The following DHX8 variants were observed in gnomAD, a reference collection of about 807,000 sequenced individuals.
DHX8 encodes the protein DEAH-box helicase 8.
Under a neutral mutation model 140.7 loss-of-function variants are expected in DHX8, and 67 were observed. The ratio of observed to expected loss-of-function variants is 0.48; its 90% CI spans 0.39 to 0.58. The LOEUF is 0.58. Ranked by LOEUF, DHX8 falls within the 20% of genes least tolerant of loss-of-function variation. DHX8 has a pLI of 0.00. For synonymous variants in DHX8, 533 were observed against 553.2 expected, an observed-to-expected ratio of 0.96 and a Z score of 0.51; for missense variants, 887 against 1,550.7, an observed-to-expected ratio of 0.57 and a Z score of 7.19.
downstream of DHX8, chr17:43,525,833 C>G (rs908036791): frequency 1.0e-6 from 1 of 985,192 alleles, no homozygotes; most frequent in African/African-American, 1.7e-5. Flanking sequence ...AGTGGCCCAG[C>G]CTGTCCTGAC....
At chr17:43,505,218 G>T (rs1969421550) in intron 12 of DHX8, among the ~76,000 whole-genome samples, 1 of 152,140 alleles carries the variant, frequency 6.6e-6, no homozygotes, top group South Asian at 2.1e-4. Context: ...GACCATCCTG[G>T]CCAACACGGT....
Position 43,506,985 on chromosome 17 carries a change from A to G in DHX8, c.1729-18A>G. 1 of 1,555,048 alleles carries G rather than the reference A, an allele frequency of 6.4e-7. No homozygotes were observed. The highest frequency in any genetic ancestry group is 1.2e-5 in the South Asian group (1 of 83,494). ...CTGGCAGATTTTAATGACCATATTT[A>G]TATTCTGTTGCTTTCAGGCCGTCCA... On this transcript the variant is annotated intron_variant, in intron 12 of 22. Coordinates refer to ENST00000262415, the MANE Select transcript of DHX8 (RefSeq NM_004941.3).
chr17:43,498,138 G>GTT (rs1491462173), intron 9 of DHX8, among the ~76,000 whole-genome samples: 9 of 148,116 alleles, frequency 6.1e-5, no homozygotes, highest in South Asian at 2.1e-4. Flanking sequence ...ACCTGGGAAG[G>GTT]TGTTTTTTTT....
intron 16 of DHX8, among the ~76,000 whole-genome samples, chr17:43,509,230 AGGTAGTCCT>A (rs1459309799): frequency 6.6e-6 from 1 of 152,128 alleles, no homozygotes; most frequent in Non-Finnish European, 1.5e-5. Context: ...TAAGGATCTA[AGGTAGTCCT>A]GGAGAACTCT....
rs1970557502 is a variant in DHX8 at position 43,524,936 on chromosome 17, C to T, written c.*1089C>T. 1 of 985,282 alleles carries T rather than the reference C, an allele frequency of 1.0e-6. No individual in the cohort carries two copies. The highest frequency in any genetic ancestry group is 4.7e-5 in the South Asian group (1 of 21,282). The allele number at this position is 985,282 out of a possible 1,614,324, so 61.0% of individuals were successfully genotyped here. On this transcript the variant is annotated 3_prime_UTR_variant, in exon 23 of 23. Coordinates refer to ENST00000262415, the MANE Select transcript of DHX8 (RefSeq NM_004941.3). ...GAGAATAGCCACCTCCTTGTGCCCTCCTCACAGCTCCTGAGGAGGGTTTTT... is the reference window on the plus strand; with the variant it reads ...GAGAATAGCCACCTCCTTGTGCCCTTCTCACAGCTCCTGAGGAGGGTTTTT...
intron 1 of DHX8, among the ~76,000 whole-genome samples, chr17:43,484,912 G>A (rs1968042723): frequency 1.3e-5 from 2 of 152,198 alleles, no homozygotes; most frequent in Admixed American, 6.5e-5. Flanking sequence ...CAAAGTGTTG[G>A]GATTACAGGC....
At position 43,503,607 on chromosome 17, in the gene DHX8, G is replaced by A. The variant is rs1322143200; in HGVS notation, c.1547-1037G>A. 2.6e-5 allele frequency among the ~76,000 whole-genome samples: 4 copies of A among 152,072 alleles called. No homozygotes were observed. The East Asian group carries it at 7.7e-4, about 29-fold the overall frequency. ...TTGAGCCCAGGAGGTGGAGGTTGCT[G>A]AGCTGAGATCTCGCCACTGCACTCC... On this transcript the variant is annotated intron_variant, in intron 11 of 22. Coordinates refer to ENST00000262415, the MANE Select transcript of DHX8 (RefSeq NM_004941.3).
chr17:43,528,002 G>C (rs1206809165), downstream of DHX8: 1 of 234,252 alleles, frequency 4.3e-6, no homozygotes, highest in African/African-American at 2.2e-5. Flanking sequence ...CCTCATCCCA[G>C]GTTCCTTTCT....
downstream of DHX8, chr17:43,528,755 GAGA>G (rs1188692374): frequency 6.8e-6 from 11 of 1,611,540 alleles, no homozygotes; most frequent in Non-Finnish European, 9.3e-6. Context: ...TATGGGGAGA[GAGA>G]AGGTCTGGTC....
At chr17:43,504,948 G>A (rs753267817) in intron 12 of DHX8, 123 bp downstream of exon 12, 126 of 922,292 alleles carry the variant, frequency 1.4e-4, no homozygotes, top group Non-Finnish European at 1.9e-4. Flanking sequence ...ATCCAAAAGA[G>A]TTAAGAAAGA....
downstream of DHX8, chr17:43,526,370 G>A: frequency 6.7e-7 from 1 of 1,482,140 alleles, no homozygotes; most frequent in African/African-American, 1.4e-5. Flanking sequence ...TGAGTGTGCT[G>A]TTTGTGTATA....
downstream of DHX8, chr17:43,530,258 A>G: frequency 1.3e-6 from 2 of 1,539,620 alleles, no homozygotes; most frequent in South Asian, 1.2e-5. Flanking sequence ...AGTCCTATCC[A>G]CATTCAAGAA....
chr17:43,484,662 G>T (rs1567670454), intron 1 of DHX8, among the ~76,000 whole-genome samples: 1 of 152,062 alleles, frequency 6.6e-6, no homozygotes, highest in Non-Finnish European at 1.5e-5. Context: ...TCTTTTTTGA[G>T]GCAGGGCCTC....
chr17:43,528,772 C>T (rs1334417642), downstream of DHX8: 2 of 1,597,324 alleles, frequency 1.3e-6, no homozygotes, highest in Admixed American at 1.7e-5. Context: ...TCTGGTCAGC[C>T]TGGCTAGCCG....
At position 43,507,020 on chromosome 17, in the gene DHX8, G is replaced by C; in HGVS notation, c.1746G>C (p.Gln582His). Residue 582 changes from glutamine (Q) to histidine (H), a missense_variant, in exon 13 of 23, where the codon CAG (glutamine) becomes CAC (histidine). Gln to His is a conservative substitution (Grantham distance 24, BLOSUM62 0). This residue lies in a region of DHX8 where 178 missense variants were observed against 398.5 expected (regional missense o/e 0.45). Coordinates refer to ENST00000262415, the MANE Select transcript of DHX8 (RefSeq NM_004941.3). ...EQLVQAVHDN[Q>H]ILIVIGETGS... ...GCTTTCAGGCCGTCCATGACAATCA[G>C]ATCCTGATTGTCATTGGTGAGACAG... The C allele has an allele frequency of 6.2e-7, 1 of 1,606,766 alleles. No homozygotes were observed. Among genetic ancestry groups the C allele is most frequent in the Non-Finnish European group, 8.5e-7 (1 of 1,176,856 alleles).
At chr17:43,487,735 G>C (rs1034141052) in intron 1 of DHX8, among the ~76,000 whole-genome samples, 2 of 152,136 alleles carry the variant, frequency 1.3e-5, no homozygotes, top group African/African-American at 4.8e-5. Context: ...CCAGCACTTC[G>C]GGAGGCTGAG....
chr17:43,533,873 C>T (rs1026348295), intron 2 of DHX8: 8 of 1,606,770 alleles, frequency 5.0e-6, no homozygotes, highest in Non-Finnish European at 5.9e-6. Context: ...AGTAAAGGCA[C>T]TGCTCGCCAT....
chr17:43,533,175 C>T (rs747477562), intron 2 of DHX8: 2 of 1,613,152 alleles, frequency 1.2e-6, no homozygotes, highest in African/African-American at 2.7e-5. Flanking sequence ...GTGGGTTTCC[C>T]TGTCTCCTTA....
intron 5 of DHX8, among the ~76,000 whole-genome samples, 184 bp downstream of exon 5, chr17:43,492,476 T>G (rs1490642945): frequency 6.6e-6 from 1 of 152,204 alleles, no homozygotes; most frequent in African/African-American, 2.4e-5. Context: ...GTTCAGAATA[T>G]AGAAGTCAGG....
Sources: gnomAD v4.1 joint callset for allele counts (sites outside exome capture counted in the v4.1 genomes callset) on GRCh38, gnomAD v4.1.1 for gene constraint, gnomAD v4.1.1 regional missense constraint, MANE v1.5 for transcripts, NCBI Gene and HGNC (gene_info 2026-07-23, HGNC 2026-07-21) for gene names.